DOCK1: variants seen among roughly 807,000 people sequenced by gnomAD.
DOCK1 encodes dedicator of cytokinesis 1, also known as dedicator of cytokinesis protein 1.
DOCK1 carries 138 observed loss-of-function variants against 262.7 expected under a neutral mutation model. The observed-to-expected ratio is 0.53, with a 90% CI of 0.46 to 0.61. The LOEUF (loss-of-function observed/expected upper bound fraction) is 0.61, where lower values mean the gene tolerates loss of function less well. Among genes scored for constraint, DOCK1 ranks in the 20% least tolerant of loss-of-function variants. DOCK1 has a pLI of 0.00. For missense variants in DOCK1, 1,908 were observed against 2,370.7 expected, an observed-to-expected ratio of 0.80 and a Z score of 4.05; for synonymous variants, 866 against 867.4, an observed-to-expected ratio of 1.00 and a Z score of 0.03.
rs3221847 is a variant in DOCK1, at chr10:127,288,773, TCACACACA to T, written c.3044+31371_3044+31378del. ...GTATATACTATACTATGTATATATT[TCACACACA>T]CACACACACACACACACACACACAC... On this transcript the variant is annotated intron_variant, in intron 29 of 51. Coordinates refer to ENST00000623213, the MANE Select transcript of DOCK1 (RefSeq NM_001290223.2). Among the ~76,000 whole-genome samples, 1,268 of 143,502 alleles carry T rather than the reference TCACACACA, an allele frequency of 8.8e-3. 30 individuals are homozygous for T. In the East Asian group the frequency reaches 0.1, roughly 12 times the overall value. 94.1% of individuals were successfully genotyped at this position (143,502 alleles called of 152,430 possible).
intron 27 of DOCK1, among the ~76,000 whole-genome samples, chr10:127,146,899 C>T (rs549865663): frequency 2.6e-5 from 4 of 152,244 alleles, no homozygotes; most frequent in Admixed American, 6.5e-5. Context: ...AGGAGGTGCC[C>T]GGTTCTGCCG....
At chr10:127,091,292 A>G (rs985194004) in intron 23 of DOCK1, among the ~76,000 whole-genome samples, 14 of 152,090 alleles carry the variant, frequency 9.2e-5, no homozygotes, top group East Asian at 1.9e-4. Flanking sequence ...CTGAACGTCT[A>G]TTTTTAATTC....
chr10:127,307,641 G>T (rs1248013614), intron 29 of DOCK1, among the ~76,000 whole-genome samples: 1 of 152,176 alleles, frequency 6.6e-6, no homozygotes, highest in Non-Finnish European at 1.5e-5. Context: ...CCTGCCCTGG[G>T]TGGGCCTGGC....
chr10:127,005,281 G>A (rs1165647100), intron 10 of DOCK1, among the ~76,000 whole-genome samples: 1 of 152,008 alleles, frequency 6.6e-6, no homozygotes, highest in South Asian at 2.1e-4. Context: ...GCTGTGAACC[G>A]TGATTGTACC....
chr10:127,327,453 C>A (rs1026845770), intron 29 of DOCK1, among the ~76,000 whole-genome samples: 3 of 152,192 alleles, frequency 2.0e-5, no homozygotes, highest in Non-Finnish European at 4.4e-5. Context: ...TTTTCCCCTG[C>A]AGCTTCCTCA....
At chr10:127,347,690 G>A (rs1385251729) in intron 31 of DOCK1, among the ~76,000 whole-genome samples, 1 of 151,392 alleles carries the variant, frequency 6.6e-6, no homozygotes, top group African/African-American at 2.4e-5. Context: ...CTGTTTCTCG[G>A]GGGAAAGGCA....
chr10:127,166,820 C>G (rs531469204), intron 27 of DOCK1, among the ~76,000 whole-genome samples: 1 of 151,846 alleles, frequency 6.6e-6, no homozygotes, highest in African/African-American at 2.4e-5. Context: ...CCATAAATTC[C>G]ATAAATGTTC....
At chr10:127,130,630 C>T (rs1284056403) in intron 27 of DOCK1, among the ~76,000 whole-genome samples, 1 of 152,180 alleles carries the variant, frequency 6.6e-6, no homozygotes, top group Non-Finnish European at 1.5e-5. Context: ...CTATCTCAGG[C>T]ATGATAATAA....
intron 48 of DOCK1, 103 bp downstream of exon 48, chr10:127,433,531 T>G (rs1474050655): frequency 7.1e-7 from 1 of 1,399,798 alleles, no homozygotes. Context: ...ACTGAGGATT[T>G]TGTGTTCATC....
chr10:127,339,198 C>A, intron 30 of DOCK1, 114 bp downstream of exon 30: 1 of 918,738 alleles, frequency 1.1e-6, no homozygotes, highest in Non-Finnish European at 1.7e-6. Context: ...GTCTCCCATC[C>A]AAGATGCGGA....
intron 1 of DOCK1, among the ~76,000 whole-genome samples, chr10:126,946,319 G>T (rs2035400982): frequency 1.3e-5 from 2 of 152,094 alleles, no homozygotes; most frequent in South Asian, 4.1e-4. Context: ...GGCCGAGGTG[G>T]GTGGATCACT....
chr10:127,245,380 G>A (rs1188715776), intron 27 of DOCK1, among the ~76,000 whole-genome samples: 2 of 152,208 alleles, frequency 1.3e-5, no homozygotes, highest in African/African-American at 2.4e-5. Flanking sequence ...CACAGTGCCC[G>A]GCAGCACCGC....
intron 25 of DOCK1, among the ~76,000 whole-genome samples, chr10:127,117,051 G>A (rs2049227628): frequency 6.6e-6 from 1 of 151,994 alleles, no homozygotes; most frequent in South Asian, 2.1e-4. Flanking sequence ...ATATGTTTTT[G>A]AAAAGACCAT....
intron 32 of DOCK1, 100 bp from the exon 33 acceptor site, chr10:127,361,964 C>A: frequency 7.6e-7 from 1 of 1,321,796 alleles, no homozygotes; most frequent in Non-Finnish European, 1.0e-6. Context: ...TCCTGCTGCT[C>A]AAAGTCACAG....
rs2071021401 is a variant in DOCK1 at position 127,452,396 on chromosome 10, G to A, written c.*969G>A. On this transcript the variant is annotated 3_prime_UTR_variant, in exon 52 of 52. Transcript: ENST00000623213. ...CAATGATTTTTAAAAAACTAACTTTGTATAACCTAATATTTGTATTCTCTC... is the reference window on the plus strand; with the variant it reads ...CAATGATTTTTAAAAAACTAACTTTATATAACCTAATATTTGTATTCTCTC... 6.6e-6 allele frequency: 1 copy of A among 151,900 alleles called. No homozygotes were observed. The highest frequency in any genetic ancestry group is 2.1e-4 in the South Asian group (1 of 4,784). 9.4% of individuals were successfully genotyped at this position (151,900 alleles called of 1,614,324 possible).
intron 1 of DOCK1, among the ~76,000 whole-genome samples, chr10:126,941,583 T>C (rs1009140846): frequency 0.042 from 6,329 of 152,154 alleles, 127 homozygotes; most frequent in African/African-American, 0.049. Flanking sequence ...GGTGAAACCC[T>C]GTCTCTACTA....
chr10:127,244,293 TATC>T (rs1189225801), intron 27 of DOCK1, among the ~76,000 whole-genome samples: 1 of 152,208 alleles, frequency 6.6e-6, no homozygotes, highest in African/African-American at 2.4e-5. Context: ...CCCTACAAAA[TATC>T]ATATTATTTA....
intron 1 of DOCK1, among the ~76,000 whole-genome samples, chr10:126,953,448 G>A (rs1342130521): frequency 1.3e-5 from 2 of 151,688 alleles, no homozygotes; most frequent in Admixed American, 1.3e-4. Flanking sequence ...GATGGCGGTG[G>A]AGGTGGTGAT....
intron 25 of DOCK1, among the ~76,000 whole-genome samples, chr10:127,114,383 G>A (rs891640468): frequency 5.3e-5 from 8 of 152,190 alleles, no homozygotes; most frequent in Admixed American, 5.2e-4. Context: ...GGGGAAATTG[G>A]CAATCTTTCC....
Sources: allele counts gnomAD v4.1 joint callset (sites outside exome capture counted in the v4.1 genomes callset), GRCh38; gene constraint gnomAD v4.1.1; transcripts MANE v1.5; gene names NCBI Gene and HGNC (gene_info 2026-07-23, HGNC 2026-07-21).